Variants in TPTE observed in about 807,000 individuals in gnomAD.
TPTE encodes the protein putative tyrosine-protein phosphatase TPTE.
A neutral mutation model predicts 84.1 loss-of-function variants in TPTE; 59 were observed. The ratio of observed to expected loss-of-function variants is 0.70; its 90% confidence interval spans 0.57 to 0.87. The LOEUF is 0.87. TPTE is among the 40% of genes least tolerant of loss of function. TPTE has a pLI of 0.00. For missense variants in TPTE, 382 were observed against 659.6 expected (o/e 0.58, Z 4.61); for synonymous variants, 130 against 223.5 (o/e 0.58, Z 3.73).
At position 10,571,340 on chromosome 21, in the gene TPTE, T is replaced by C. The variant is rs368921546; in HGVS notation, c.795+791T>C. Among the ~76,000 whole-genome samples the C allele has an allele frequency of 6.0e-4, 92 of 152,152 alleles. No individual in the cohort carries two copies. In the East Asian group the frequency reaches 0.012, roughly 20 times the overall value. On this transcript the variant is annotated intron_variant, in intron 14 of 23. Transcript: ENST00000618007. ...AAAGCACCCTACTCAATGAACACTATAGGAGACAACTATTGGAAAAAGTAT... is the reference window on the plus strand; with the variant it reads ...AAAGCACCCTACTCAATGAACACTACAGGAGACAACTATTGGAAAAAGTAT...
intron 3 of TPTE, among the ~76,000 whole-genome samples, chr21:10,530,924 A>T (rs2074166186): frequency 6.6e-6 from 1 of 152,308 alleles, no homozygotes; most frequent in South Asian, 2.1e-4. Context: ...TTTGAGCATC[A>T]TTTTATGTTC....
intron 17 of TPTE, among the ~76,000 whole-genome samples, chr21:10,582,095 C>G (rs1367168229): frequency 6.6e-6 from 1 of 152,300 alleles, no homozygotes; most frequent in Non-Finnish European, 1.5e-5. Context: ...ATATATTTCA[C>G]GCTTTTCTGT....
intron 3 of TPTE, among the ~76,000 whole-genome samples, chr21:10,532,812 A>G (rs1470551543): frequency 6.6e-6 from 1 of 152,302 alleles, no homozygotes; most frequent in Non-Finnish European, 1.5e-5. Flanking sequence ...ATATTACAAT[A>G]TATTCAGAGA....
At chr21:10,596,973 AAAC>A (rs1256065987) in intron 20 of TPTE, among the ~76,000 whole-genome samples, 3 of 152,184 alleles carry the variant, frequency 2.0e-5, no homozygotes, top group South Asian at 4.1e-4. Flanking sequence ...AATTAAATGA[AAAC>A]AAACAGCATA....
At chr21:10,544,411 A>G (rs2074427621) in intron 7 of TPTE, among the ~76,000 whole-genome samples, 2 of 152,306 alleles carry the variant, frequency 1.3e-5, no homozygotes, top group African/African-American at 2.4e-5. Context: ...TTTTGAGATG[A>G]AGTCTCGCTG....
intron 7 of TPTE, among the ~76,000 whole-genome samples, chr21:10,550,676 C>A (rs932322500): frequency 5.9e-5 from 9 of 152,306 alleles, no homozygotes; most frequent in Non-Finnish European, 1.0e-4. Context: ...CCACTCTCAG[C>A]ATTGGACAAA....
intron 4 of TPTE, among the ~76,000 whole-genome samples, chr21:10,539,104 A>G (rs1467124260): frequency 5.9e-5 from 9 of 152,422 alleles, no homozygotes; most frequent in African/African-American, 2.2e-4. Flanking sequence ...TGTATTTGTC[A>G]CTGTTAGTTC....
chr21:10,534,799 A>G (rs1415092797), intron 3 of TPTE, among the ~76,000 whole-genome samples: 6 of 152,422 alleles, frequency 3.9e-5, no homozygotes, highest in African/African-American at 4.8e-5. Context: ...GTCTAGTTGG[A>G]TACAAGATAA....
At chr21:10,583,126 AG>A (rs2075299679) in intron 17 of TPTE, among the ~76,000 whole-genome samples, 1 of 152,310 alleles carries the variant, frequency 6.6e-6, no homozygotes, top group Admixed American at 6.5e-5. Flanking sequence ...GTTCTGTCTT[AG>A]GGTAATGAAT....
intron 9 of TPTE, among the ~76,000 whole-genome samples, chr21:10,560,320 A>G (rs556969493): frequency 6.8e-4 from 104 of 152,390 alleles, no homozygotes; most frequent in African/African-American, 2.4e-3. Context: ...GATTTATACG[A>G]TATAATTGTT....
At chr21:10,566,153 A>C (rs1311511340) in intron 10 of TPTE, among the ~76,000 whole-genome samples, 2 of 152,308 alleles carry the variant, frequency 1.3e-5, no homozygotes, top group Non-Finnish European at 2.9e-5. Flanking sequence ...AGCTCAAACA[A>C]CTCTCTAGGA....
chr21:10,585,679 T>G (rs1202936575), intron 17 of TPTE, among the ~76,000 whole-genome samples: 1 of 152,306 alleles, frequency 6.6e-6, no homozygotes, highest in Non-Finnish European at 1.5e-5. Context: ...TTTTTTTCCT[T>G]CTTAAGTGTA....
Position 10,538,764 on chromosome 21 carries a change from A to T in TPTE, c.11+30A>T, listed in dbSNP as rs200131109. 812 of 1,613,678 alleles carry T rather than the reference A, an allele frequency of 5.0e-4. No homozygotes were observed. The African/African-American group carries it at 9.7e-3, about 19-fold the overall frequency. ...GTTATGCGTACGTGTGTCTTTATTT[A>T]TCGAATTATAACTGAGCATAGAAGT... On this transcript the variant is annotated intron_variant, in intron 4 of 23. Coordinates refer to ENST00000618007, the MANE Select transcript of TPTE (RefSeq NM_199261.4).
intron 5 of TPTE, among the ~76,000 whole-genome samples, chr21:10,541,734 G>A (rs1702105465): frequency 1.3e-5 from 2 of 152,310 alleles, no homozygotes; most frequent in Admixed American, 1.3e-4. Flanking sequence ...AAATGCTTTG[G>A]AAAAGCAGAT....
At chr21:10,525,606 A>C (rs1467125118) in intron 2 of TPTE, among the ~76,000 whole-genome samples, 1 of 152,304 alleles carries the variant, frequency 6.6e-6, no homozygotes, top group Non-Finnish European at 1.5e-5. Context: ...CATGATTATA[A>C]AGGTGTAGCT....
chr21:10,526,969 A>C (rs1212366601), intron 2 of TPTE, among the ~76,000 whole-genome samples: 1 of 152,312 alleles, frequency 6.6e-6, no homozygotes, highest in East Asian at 1.9e-4. Flanking sequence ...AGAGAAAACA[A>C]AATCATTGTA....
At chr21:10,603,032 G>C (rs532288158) in intron 22 of TPTE, among the ~76,000 whole-genome samples, 56 of 152,332 alleles carry the variant, frequency 3.7e-4, no homozygotes, top group Non-Finnish European at 6.9e-4. Context: ...GTTATATTTA[G>C]CTGTCCCATA....
chr21:10,571,846 A>G (rs1441883167), intron 14 of TPTE, among the ~76,000 whole-genome samples: 1 of 152,308 alleles, frequency 6.6e-6, no homozygotes, highest in East Asian at 1.9e-4. Context: ...GTCTCTAAAA[A>G]ATACAAAAAT....
At chr21:10,552,547 C>G (rs1223456322) in intron 7 of TPTE, 110 bp from the exon 8 acceptor site, 1 of 1,525,416 alleles carries the variant, frequency 6.6e-7, no homozygotes, top group Non-Finnish European at 8.9e-7. Flanking sequence ...GTCATGTTTA[C>G]TATATCCTTT....
Sources: gnomAD v4.1 joint callset for allele counts (sites outside exome capture counted in the v4.1 genomes callset) on GRCh38, gnomAD v4.1.1 for gene constraint, MANE v1.5 for transcripts, NCBI Gene and HGNC (gene_info 2026-07-23, HGNC 2026-07-21) for gene names.